Variants in SECISBP2 observed in about 807,000 individuals in gnomAD.
SECISBP2 encodes selenocysteine insertion sequence-binding protein 2.
A neutral mutation model predicts 98.2 loss-of-function variants in SECISBP2; 96 were observed. The observed-to-expected ratio is 0.98, with a 90% CI of 0.83 to 1.16. SECISBP2 has a LOEUF of 1.16. Ranked by LOEUF, SECISBP2 falls within the 50% of genes most tolerant of loss-of-function variation. SECISBP2 has a pLI of 0.00. For missense variants in SECISBP2, 1,046 were observed against 1,022.9 expected (o/e 1.02, Z -0.31); for synonymous variants, 407 against 370.2 (o/e 1.10, Z -1.14).
chr9:89,335,539 G>A (rs1339695753), intron 7 of SECISBP2, among the ~76,000 whole-genome samples: 3 of 151,998 alleles, frequency 2.0e-5, no homozygotes, highest in Admixed American at 2.0e-4. Flanking sequence ...CACCATATTG[G>A]CTAGGCTAAT....
intron 7 of SECISBP2, among the ~76,000 whole-genome samples, 199 bp from the exon 8 acceptor site, chr9:89,338,259 T>C (rs1219041788): frequency 6.6e-6 from 1 of 152,238 alleles, no homozygotes; most frequent in Non-Finnish European, 1.5e-5. Context: ...ATTACAACTA[T>C]TTGAACAAAC....
chr9:89,348,374 T>G (rs1830752001), intron 12 of SECISBP2, among the ~76,000 whole-genome samples, 160 bp downstream of exon 12: 1 of 151,956 alleles, frequency 6.6e-6, no homozygotes. Flanking sequence ...GGAAGGGAGG[T>G]CCCCACAGAT....
intron 2 of SECISBP2, among the ~76,000 whole-genome samples, chr9:89,320,260 G>A (rs1825506935): frequency 1.3e-5 from 2 of 150,972 alleles, no homozygotes; most frequent in Non-Finnish European, 2.9e-5. Context: ...GGAGACTGGG[G>A]CAGCAGAATC....
At chr9:89,363,393 C>T, downstream of SECISBP2, 3 of 1,604,326 alleles carry the variant, frequency 1.9e-6, no homozygotes, top group Non-Finnish European at 2.5e-6. Context: ...GCCCCTGGCT[C>T]CAGCCCTCCT....
intron 3 of SECISBP2, 86 bp downstream of exon 3, chr9:89,325,762 A>ATTT: frequency 6.3e-7 from 1 of 1,599,024 alleles, no homozygotes; most frequent in Non-Finnish European, 8.6e-7. Context: ...TGTACATCAT[A>ATTT]TTTAAGTATC....
intron 11 of SECISBP2, 128 bp downstream of exon 11, chr9:89,347,176 G>T: frequency 1.1e-6 from 1 of 934,736 alleles, no homozygotes; most frequent in South Asian, 1.4e-5. Flanking sequence ...GTAGTAAAAC[G>T]TGTTAATGAT....
chr9:89,366,571 T>A, the SECISBP2 span, among the ~76,000 whole-genome samples: 1 of 152,246 alleles, frequency 6.6e-6, no homozygotes, highest in African/African-American at 2.4e-5. Context: ...CAAAATGTTT[T>A]GGACTCTGGC....
At chr9:89,322,374 A>G (rs540719161) in intron 2 of SECISBP2, 1 of 152,360 alleles carries the variant, frequency 6.6e-6, no homozygotes, top group East Asian at 1.9e-4. Flanking sequence ...AATCCTGTGC[A>G]ACCTGTGTAT....
chr9:89,334,824 T>G (rs1828361886), intron 7 of SECISBP2, 94 bp downstream of exon 7: 2 of 947,086 alleles, frequency 2.1e-6, no homozygotes, highest in Admixed American at 1.8e-5. Flanking sequence ...GTAGAGAGTT[T>G]CAGTTTTGCT....
In SECISBP2 at chr9:89,358,903, T is replaced by G; in HGVS notation, c.*79T>G. Reference sequence around the variant, plus strand: ...ACTTTGGGGCTTTTTCTTCTGTTTTTCATGACAATGTAATTTGTGTAACTG... The same window carrying G: ...ACTTTGGGGCTTTTTCTTCTGTTTTGCATGACAATGTAATTTGTGTAACTG... On this transcript the variant is annotated 3_prime_UTR_variant, in exon 17 of 17. Coordinates refer to ENST00000375807, the MANE Select transcript of SECISBP2 (RefSeq NM_024077.5). 5 of 847,270 alleles carry G rather than the reference T, an allele frequency of 5.9e-6. No homozygotes were observed. Among genetic ancestry groups the G allele is most frequent in the Non-Finnish European group, 9.8e-6 (5 of 507,886 alleles). The allele number at this position is 847,270 out of a possible 1,614,324, so 52.5% of individuals were successfully genotyped here.
intron 7 of SECISBP2, among the ~76,000 whole-genome samples, 186 bp from the exon 8 acceptor site, chr9:89,338,272 T>A (rs552071461): frequency 2.0e-5 from 3 of 152,202 alleles, no homozygotes; most frequent in Non-Finnish European, 4.4e-5. Flanking sequence ...GAACAAACTT[T>A]TTTTTCCTTC....
chr9:89,318,804 G>T (rs995580750), intron 1 of SECISBP2, 192 bp downstream of exon 1: 158 of 1,268,410 alleles, frequency 1.2e-4, no homozygotes, highest in Non-Finnish European at 1.5e-4. Context: ...GCGGTCAGCG[G>T]CTACAGACCC....
Position 89,320,431 on chromosome 9 carries a change from C to T in SECISBP2, c.182+634C>T, listed in dbSNP as rs188291282. 1.9e-3 allele frequency among the ~76,000 whole-genome samples: 277 copies of T among 149,534 alleles called. 1 individual carries two copies. The highest frequency in any genetic ancestry group is 1.7e-3 in the Non-Finnish European group (116 of 67,616). On this transcript the variant is annotated intron_variant, in intron 2 of 16. Transcript: ENST00000375807. ...TATGGTTTAAAAATATATCATATAT[C>T]TAATGGGAGATGAAATGTGGAGGGA...
intron 10 of SECISBP2, among the ~76,000 whole-genome samples, chr9:89,345,571 G>C (rs191650881): frequency 3.9e-5 from 6 of 152,176 alleles, no homozygotes; most frequent in Admixed American, 3.3e-4. Flanking sequence ...GTTGAACTTC[G>C]TGGTTGTTTT....
At chr9:89,321,144 A>G (rs954624588) in intron 2 of SECISBP2, among the ~76,000 whole-genome samples, 1 of 152,208 alleles carries the variant, frequency 6.6e-6, no homozygotes, top group African/African-American at 2.4e-5. Flanking sequence ...ATCCACTGTA[A>G]AGGGGAGTTT....
intron 6 of SECISBP2, 40 bp from the exon 7 acceptor site, chr9:89,334,482 C>T (rs1476157132): frequency 6.6e-7 from 1 of 1,507,866 alleles, no homozygotes; most frequent in South Asian, 1.1e-5. Flanking sequence ...TTCTATTTTA[C>T]TGTTGAGATT....
At chr9:89,351,094 GGCCTCTGGCATCAGGGAAAGACCT>G (rs1381737050) in intron 14 of SECISBP2, among the ~76,000 whole-genome samples, 3 of 152,216 alleles carry the variant, frequency 2.0e-5, no homozygotes, top group Non-Finnish European at 4.4e-5. Flanking sequence ...AGCCCACACA[GGCCTCTGGCATCAGGGAAAGACCT>G]GCCTCTGTTG....
At position 89,319,469 on chromosome 9, in the gene SECISBP2, CA is replaced by C. The variant is rs142623218; in HGVS notation, c.37-173del. Among the ~76,000 whole-genome samples the C allele has an allele frequency of 4.4e-3, 633 of 145,362 alleles. 6 individuals carry two copies. The highest frequency in any genetic ancestry group is 0.014 in the African/African-American group (566 of 39,812). Reference sequence around the variant, plus strand: ...AATGTTTGAACTACTGCCTTTTCTACAAAAAAAAAAGCATTGGGGAGAAATC... The same window carrying C: ...AATGTTTGAACTACTGCCTTTTCTACAAAAAAAAAGCATTGGGGAGAAATC... On this transcript the variant is annotated intron_variant, in intron 1 of 16. Transcript: ENST00000375807.
At chr9:89,332,658 A>C (rs1827952200) in intron 5 of SECISBP2, 1 of 520,406 alleles carries the variant, frequency 1.9e-6, no homozygotes, top group African/African-American at 1.9e-5. Flanking sequence ...TTGTGTGGAC[A>C]TAAGTTTTCA....
Sources: gnomAD v4.1 joint callset for allele counts (sites outside exome capture counted in the v4.1 genomes callset) on GRCh38, gnomAD v4.1.1 for gene constraint, MANE v1.5 for transcripts, NCBI Gene and HGNC (gene_info 2026-07-23, HGNC 2026-07-21) for gene names.